LTN1: variants seen among roughly 807,000 people sequenced by gnomAD.
The protein encoded by LTN1 is E3 ubiquitin-protein ligase listerin.
In LTN1, 88 loss-of-function variants were observed where a neutral mutation model predicts 201.2. That is an observed-to-expected ratio of 0.44 (90% CI 0.37 to 0.52). The LOEUF (loss-of-function observed/expected upper bound fraction) is 0.52, where lower values mean the gene tolerates loss of function less well. Ranked by LOEUF, LTN1 falls within the 20% of genes least tolerant of loss-of-function variation. LTN1 has a pLI of 0.00. For missense variants in LTN1, 1,752 were observed against 2,038.7 expected, an observed-to-expected ratio of 0.86 and a Z score of 2.71; for synonymous variants, 645 against 713.5, an observed-to-expected ratio of 0.90 and a Z score of 1.53.
At chr21:28,981,951 A>T (rs2084661884) in intron 5 of LTN1, among the ~76,000 whole-genome samples, 1 of 152,214 alleles carries the variant, frequency 6.6e-6, no homozygotes, top group Non-Finnish European at 1.5e-5. Flanking sequence ...CCAGTGGCTC[A>T]TGCTTGTAAT....
rs2084531568 is a variant in LTN1 at position 28,967,001 on chromosome 21, ATC to A, written c.1488_1489del (p.Glu496AspfsTer8). 6.2e-7 allele frequency: 1 copy of A among 1,613,920 alleles called. No homozygotes were observed. Among genetic ancestry groups the A allele is most frequent in the Admixed American group, 1.7e-5 (1 of 59,982 alleles). On this transcript the variant is annotated frameshift_variant, in exon 10 of 30. Coordinates refer to ENST00000361371, the MANE Select transcript of LTN1 (RefSeq NM_015565.3). LOFTEE classifies it high-confidence loss of function. The stretch of plus-strand genomic sequence containing the variant: ...TGGCTCACTGATTTTCGCAACACAG[ATC>A]TCTGACAGTCTTTCCCAGAAATGTA...
chr21:28,964,840 C>G (rs774150207), intron 11 of LTN1: 5 of 1,427,380 alleles, frequency 3.5e-6, no homozygotes, highest in Non-Finnish European at 4.6e-6. Flanking sequence ...CAAGGCTTAT[C>G]AAGGAGCTTT....
intron 5 of LTN1, 64 bp downstream of exon 5, chr21:28,982,252 C>A (rs1323827859): frequency 1.3e-5 from 18 of 1,337,938 alleles, no homozygotes; most frequent in Non-Finnish European, 1.8e-5. Context: ...ACATTGAAAT[C>A]ATCTGATTAC....
chr21:28,984,368 C>T (rs967194895), intron 4 of LTN1, among the ~76,000 whole-genome samples: 9 of 151,482 alleles, frequency 5.9e-5, no homozygotes, highest in African/African-American at 1.5e-4. Flanking sequence ...TATGGAAACA[C>T]GAGAGAAAAT....
chr21:28,939,393 G>A (rs1302983632), intron 25 of LTN1, among the ~76,000 whole-genome samples: 1 of 152,144 alleles, frequency 6.6e-6, no homozygotes, highest in Non-Finnish European at 1.5e-5. Context: ...TATGGTATGT[G>A]CAATATCTCA....
chr21:28,965,812 A>G, intron 11 of LTN1, 53 bp downstream of exon 11: 3 of 1,035,970 alleles, frequency 2.9e-6, no homozygotes, highest in Non-Finnish European at 2.8e-6. Context: ...CGGTTATAAT[A>G]TTTCTATTCC....
intron 19 of LTN1, 34 bp from the exon 20 acceptor site, chr21:28,946,321 T>G: frequency 6.9e-7 from 1 of 1,446,680 alleles, no homozygotes. Flanking sequence ...ATTAAAAATA[T>G]TTAAGAACTA....
At chr21:28,971,768 A>G (rs1444709374) in intron 6 of LTN1, among the ~76,000 whole-genome samples, 1 of 152,178 alleles carries the variant, frequency 6.6e-6, no homozygotes, top group Non-Finnish European at 1.5e-5. Flanking sequence ...ATGAGCAACA[A>G]TCAGGAGAAA....
chr21:28,990,390 T>A (rs1437112927), intron 1 of LTN1, among the ~76,000 whole-genome samples: 1 of 152,194 alleles, frequency 6.6e-6, no homozygotes, highest in African/African-American at 2.4e-5. Context: ...TCACCACATT[T>A]AAAATGAGAT....
intron 1 of LTN1, among the ~76,000 whole-genome samples, chr21:28,990,997 C>T (rs976806621): frequency 1.1e-4 from 17 of 152,000 alleles, no homozygotes; most frequent in African/African-American, 2.4e-4. Flanking sequence ...ATAAGCTAGC[C>T]GTGATGGCCT....
intron 6 of LTN1, among the ~76,000 whole-genome samples, chr21:28,975,926 T>C (rs375918784): frequency 6.6e-6 from 1 of 152,192 alleles, no homozygotes; most frequent in African/African-American, 2.4e-5. Flanking sequence ...ACTGCTGATA[T>C]ATGCAACAAC....
chr21:28,982,257 G>T, intron 5 of LTN1, 59 bp downstream of exon 5: 1 of 1,360,946 alleles, frequency 7.3e-7, no homozygotes, highest in Non-Finnish European at 1.0e-6. Flanking sequence ...GAAATCATCT[G>T]ATTACTTATG....
chr21:28,931,471 G>C (rs1055303261), intron 28 of LTN1, 149 bp from the exon 29 acceptor site: 2 of 553,408 alleles, frequency 3.6e-6, no homozygotes, highest in Admixed American at 3.5e-5. Context: ...ATGAATGTTG[G>C]TTTTTAAAAT....
intron 25 of LTN1, among the ~76,000 whole-genome samples, chr21:28,939,856 C>A (rs951202020): frequency 6.6e-6 from 1 of 152,108 alleles, no homozygotes; most frequent in Non-Finnish European, 1.5e-5. Flanking sequence ...GCAAATAAAA[C>A]TAGCTTAAGT....
At chr21:28,937,497 C>T (rs1242959251) in intron 25 of LTN1, among the ~76,000 whole-genome samples, 2 of 152,052 alleles carry the variant, frequency 1.3e-5, no homozygotes, top group Admixed American at 6.6e-5. Flanking sequence ...TATTCATCAC[C>T]TCAAGCATTT....
Position 28,988,225 on chromosome 21 carries a change from G to C in LTN1, c.43-1291C>G, listed in dbSNP as rs2084715992. ...CTCATGCCTGTAATCCCAACACTTT[G>C]GGAGGTCAAGGCGGGTGGATCACTT... On this transcript the variant is annotated intron_variant, in intron 1 of 29. Transcript: ENST00000361371. Among the ~76,000 whole-genome samples the C allele has an allele frequency of 2.0e-5, 3 of 151,566 alleles. No homozygotes were observed. In the South Asian group the frequency reaches 6.3e-4, roughly 32 times the overall value.
rs552729043 is a variant in LTN1 at position 28,974,465 on chromosome 21, T to C, written c.811-3021A>G. Among the ~76,000 whole-genome samples the C allele has an allele frequency of 7.2e-5, 11 of 152,276 alleles. No homozygotes were observed. The South Asian group carries it at 1.7e-3, about 23-fold the overall frequency. On this transcript the variant is annotated intron_variant, in intron 6 of 29. Coordinates refer to ENST00000361371, the MANE Select transcript of LTN1 (RefSeq NM_015565.3). Reference sequence around the variant, plus strand: ...TACCTGAGGACTCTGGAGACTGAAATACAGATGCATTTTAGAAGAGAATCA... The same window carrying C: ...TACCTGAGGACTCTGGAGACTGAAACACAGATGCATTTTAGAAGAGAATCA...
At chr21:28,966,257 T>C (rs1034059371) in intron 10 of LTN1, 113 bp downstream of exon 10, 21 of 868,986 alleles carry the variant, frequency 2.4e-5, no homozygotes, top group African/African-American at 2.4e-4. Context: ...CAAGAATATA[T>C]TGCTTGTCCT....
chr21:28,949,731 T>C (rs2084368256), intron 18 of LTN1, among the ~76,000 whole-genome samples: 1 of 152,218 alleles, frequency 6.6e-6, no homozygotes, highest in South Asian at 2.1e-4. Context: ...CTTTTATTTA[T>C]CCATTTATCC....
Sources: allele counts gnomAD v4.1 joint callset (sites outside exome capture counted in the v4.1 genomes callset), GRCh38; gene constraint gnomAD v4.1.1; transcripts MANE v1.5; gene names NCBI Gene and HGNC (gene_info 2026-07-23, HGNC 2026-07-21).